USP50: variants seen among roughly 807,000 people sequenced by gnomAD.
USP50 encodes the protein ubiquitin carboxyl-terminal hydrolase 50.
USP50 carries 37 observed loss-of-function variants against 39.2 expected under a neutral mutation model. The ratio of observed to expected loss-of-function variants is 0.94; its 90% confidence interval spans 0.73 to 1.24. The LOEUF is 1.24. Ranked by LOEUF, USP50 falls within the 50% of genes most tolerant of loss-of-function variation. The pLI is 0.00. For synonymous variants in USP50, 139 were observed against 144.5 expected (o/e 0.96, Z 0.27); for missense variants, 374 against 398.2 (o/e 0.94, Z 0.52).
intron 2 of USP50, 104 bp downstream of exon 2, chr15:50,544,483 T>G (rs2053055756): frequency 7.1e-6 from 8 of 1,131,234 alleles, no homozygotes; most frequent in Non-Finnish European, 9.9e-6. Context: ...CTCTACTGAC[T>G]TGTTTGTTTA....
intron 6 of USP50, chr15:50,508,327 A>C (rs374127152): frequency 6.6e-6 from 1 of 152,178 alleles, no homozygotes; most frequent in East Asian, 1.9e-4. Flanking sequence ...CGATGCCAAG[A>C]AGAGAGTGGG....
intron 6 of USP50, chr15:50,513,179 C>A (rs1166341357): frequency 6.6e-6 from 1 of 152,098 alleles, no homozygotes; most frequent in Non-Finnish European, 1.5e-5. Flanking sequence ...TATGCACATA[C>A]TTTATGATCT....
At chr15:50,520,172 G>A (rs2052837225) in intron 6 of USP50, among the ~76,000 whole-genome samples, 1 of 152,090 alleles carries the variant, frequency 6.6e-6, no homozygotes, top group Non-Finnish European at 1.5e-5. Context: ...AGCTGGGCAT[G>A]GTGGCCTATG....
chr15:50,498,805 T>C, downstream of USP50: 3 of 1,552,104 alleles, frequency 1.9e-6, no homozygotes, highest in Non-Finnish European at 1.7e-6. Flanking sequence ...TCCTACCTCA[T>C]GGAAGAGTAA....
At chr15:50,495,120 A>G (rs539026829) in intron 1 of USP50, among the ~76,000 whole-genome samples, 1 of 151,806 alleles carries the variant, frequency 6.6e-6, no homozygotes, top group African/African-American at 2.4e-5. Flanking sequence ...CTCCATTTAC[A>G]TACTACAACT....
intron 4 of USP50, among the ~76,000 whole-genome samples, chr15:50,539,513 T>A (rs555105470): frequency 1.5e-4 from 23 of 151,550 alleles, no homozygotes; most frequent in Non-Finnish European, 2.7e-4. Flanking sequence ...ACCTCCTGGG[T>A]TCAAGCGATT....
At chr15:50,542,059 A>G (rs949592465) in intron 3 of USP50, among the ~76,000 whole-genome samples, 1 of 151,772 alleles carries the variant, frequency 6.6e-6, no homozygotes, top group Non-Finnish European at 1.5e-5. Flanking sequence ...AAAAAAAAAA[A>G]AAGATAAGAG....
intron 6 of USP50, chr15:50,505,216 G>A (rs1269278536): frequency 1.3e-5 from 2 of 151,992 alleles, no homozygotes; most frequent in Admixed American, 6.6e-5. Flanking sequence ...GAAATGCAGC[G>A]AGCCAGGGAT....
chr15:50,533,189 T>TTA (rs2052955413), intron 5 of USP50, among the ~76,000 whole-genome samples: 2 of 78,788 alleles, frequency 2.5e-5, no homozygotes, highest in Admixed American at 1.2e-4. Flanking sequence ...GAAAATAGAC[T>TTA]AAAAAAAAAA....
chr15:50,515,768 C>T (rs1418863770), intron 6 of USP50, among the ~76,000 whole-genome samples: 1 of 151,976 alleles, frequency 6.6e-6, no homozygotes, highest in Non-Finnish European at 1.5e-5. Context: ...GACTGTAGTT[C>T]TCTTGTCTGG....
chr15:50,500,663 T>G lies in USP50; in HGVS notation c.*106A>C. The G allele has an allele frequency of 9.0e-7, 1 of 1,105,944 alleles. No homozygotes were observed. The highest frequency in any genetic ancestry group is 1.3e-6 in the Non-Finnish European group (1 of 751,036). The allele number at this position is 1,105,944 out of a possible 1,614,324, so 68.5% of individuals were successfully genotyped here. ...CACCATTTTCCTGGCTCTTAACGCT[T>G]TTGTATTGGTATGGAAAAGGGCTGG... On this transcript the variant is annotated 3_prime_UTR_variant, in exon 7 of 7. Coordinates refer to ENST00000532404, the MANE Select transcript of USP50 (RefSeq NM_203494.5).
chr15:50,506,300 C>T (rs569613503), intron 6 of USP50: 1 of 152,360 alleles, frequency 6.6e-6, no homozygotes, highest in African/African-American at 2.4e-5. Context: ...TGAGCACCGC[C>T]TCCTGTCAGA....
At chr15:50,519,241 C>T (rs1317730805) in intron 6 of USP50, among the ~76,000 whole-genome samples, 1 of 151,920 alleles carries the variant, frequency 6.6e-6, no homozygotes, top group Non-Finnish European at 1.5e-5. Context: ...GAGCTGAGAT[C>T]ACATGACTGC....
downstream of USP50, chr15:50,496,172 CT>C: frequency 8.9e-7 from 1 of 1,120,120 alleles, no homozygotes; most frequent in Non-Finnish European, 1.3e-6. Context: ...GGTCTTTACC[CT>C]TACAAACATT....
At chr15:50,493,097 C>T (rs909521128), downstream of USP50, 1 of 703,642 alleles carries the variant, frequency 1.4e-6, no homozygotes, top group Non-Finnish European at 2.5e-6. Flanking sequence ...GTGCCGGCAT[C>T]TGGTGCGCTT....
chr15:50,542,746 C>T (rs1427666160), intron 3 of USP50, among the ~76,000 whole-genome samples: 1 of 152,088 alleles, frequency 6.6e-6, no homozygotes, highest in African/African-American at 2.4e-5. Context: ...ACCTCAGCCT[C>T]CTAAAGTGCT....
At chr15:50,518,742 T>C (rs2052824025) in intron 6 of USP50, among the ~76,000 whole-genome samples, 1 of 151,974 alleles carries the variant, frequency 6.6e-6, no homozygotes, top group Non-Finnish European at 1.5e-5. Flanking sequence ...TTCAGGATAT[T>C]GGTCTAAGCA....
chr15:50,496,939 T>G (rs772570238), downstream of USP50: 5 of 955,620 alleles, frequency 5.2e-6, no homozygotes, highest in Non-Finnish European at 7.6e-6. Context: ...TGCTTCTCAC[T>G]AGATCACAAG....
At chr15:50,505,463 G>C (rs1448044243) in intron 6 of USP50, 4 of 152,170 alleles carry the variant, frequency 2.6e-5, no homozygotes, top group African/African-American at 9.7e-5. Context: ...ACTTCTCAAA[G>C]ACTGAGAGAC....
Sources: gnomAD v4.1 joint callset for allele counts (sites outside exome capture counted in the v4.1 genomes callset) on GRCh38, gnomAD v4.1.1 for gene constraint, MANE v1.5 for transcripts, NCBI Gene and HGNC (gene_info 2026-07-23, HGNC 2026-07-21) for gene names.